Variants in ADCY8 observed in about 807,000 individuals in gnomAD.
ADCY8 encodes adenylate cyclase 8.
In ADCY8, 51 loss-of-function variants were observed where a neutral mutation model predicts 119.7. That is an observed-to-expected ratio of 0.43 (90% CI 0.34 to 0.54). The LOEUF (loss-of-function observed/expected upper bound fraction) is 0.54, where lower values mean the gene tolerates loss of function less well. Ranked by LOEUF, ADCY8 falls within the 20% of genes least tolerant of loss-of-function variation. The pLI, the probability that ADCY8 is intolerant of heterozygous loss-of-function variation, is 0.03. For synonymous variants in ADCY8, 665 were observed against 651.0 expected (o/e 1.02, Z -0.33); for missense variants, 1,383 against 1,598.8 (o/e 0.87, Z 2.30).
At chr8:130,812,233 G>A (rs1345780017) in intron 14 of ADCY8, among the ~76,000 whole-genome samples, 2 of 151,988 alleles carry the variant, frequency 1.3e-5, no homozygotes, top group Non-Finnish European at 2.9e-5. Context: ...ACTTCCAAAG[G>A]CTCCCATTGT....
intron 15 of ADCY8, among the ~76,000 whole-genome samples, chr8:130,799,073 A>T (rs1418176452): frequency 6.6e-6 from 1 of 152,190 alleles, no homozygotes; most frequent in Non-Finnish European, 1.5e-5. Flanking sequence ...TTATACGTGG[A>T]ATCTAAAAAC....
intron 5 of ADCY8, among the ~76,000 whole-genome samples, chr8:130,913,417 T>C (rs982972923): frequency 5.3e-5 from 8 of 152,188 alleles, no homozygotes; most frequent in Non-Finnish European, 2.9e-5. Flanking sequence ...ATTTTTAGAT[T>C]CTGCAAATAA....
intron 1 of ADCY8, among the ~76,000 whole-genome samples, chr8:131,020,193 G>A (rs1823620086): frequency 6.6e-6 from 1 of 152,122 alleles, no homozygotes; most frequent in Admixed American, 6.5e-5. Context: ...TCAATAAGGA[G>A]CTATTGGCAG....
intron 9 of ADCY8, among the ~76,000 whole-genome samples, chr8:130,852,480 C>T (rs750351484): frequency 3.9e-5 from 6 of 152,212 alleles, no homozygotes; most frequent in East Asian, 1.9e-4. Flanking sequence ...AGAATGCAGG[C>T]GGATCGCTTT....
intron 12 of ADCY8, among the ~76,000 whole-genome samples, chr8:130,826,617 C>T (rs1586454414): frequency 6.6e-6 from 1 of 152,136 alleles, no homozygotes; most frequent in African/African-American, 2.4e-5. Flanking sequence ...CCTTCAACAT[C>T]TAACATTATT....
At chr8:130,797,667 CA>C (rs1815627718) in intron 15 of ADCY8, among the ~76,000 whole-genome samples, 1 of 152,166 alleles carries the variant, frequency 6.6e-6, no homozygotes, top group Non-Finnish European at 1.5e-5. Context: ...GCTATTGTCA[CA>C]AAATTGCCTT....
intron 2 of ADCY8, among the ~76,000 whole-genome samples, chr8:130,970,342 C>T (rs1359780691): frequency 6.6e-6 from 1 of 152,130 alleles, no homozygotes; most frequent in Non-Finnish European, 1.5e-5. Context: ...GGAGCGCAAA[C>T]CCTATGGTGA....
intron 2 of ADCY8, among the ~76,000 whole-genome samples, chr8:130,969,191 A>G (rs1821850505): frequency 6.6e-6 from 1 of 152,156 alleles, no homozygotes; most frequent in African/African-American, 2.4e-5. Flanking sequence ...GTCCTTCATA[A>G]TATGGGTGGT....
At chr8:130,885,641 G>A (rs10505567) in intron 7 of ADCY8, among the ~76,000 whole-genome samples, 1,865 of 144,602 alleles carry the variant, frequency 0.013, 39 homozygotes, top group African/African-American at 0.045. Context: ...ACCAATTTAA[G>A]GCAGCTTCTT....
chr8:130,962,706 C>T (rs1261076094), intron 2 of ADCY8, among the ~76,000 whole-genome samples: 1 of 152,230 alleles, frequency 6.6e-6, no homozygotes, highest in East Asian at 1.9e-4. Context: ...GTGAATCAGA[C>T]AGCACTTTTG....
intron 15 of ADCY8, among the ~76,000 whole-genome samples, chr8:130,792,969 G>C (rs1815469439): frequency 1.3e-5 from 2 of 152,100 alleles, no homozygotes; most frequent in Admixed American, 1.3e-4. Flanking sequence ...ACCAGCTCCA[G>C]CCTTCTTCTT....
intron 1 of ADCY8, among the ~76,000 whole-genome samples, chr8:131,008,456 C>T (rs940868418): frequency 3.9e-5 from 6 of 152,154 alleles, no homozygotes; most frequent in African/African-American, 1.4e-4. Context: ...CACTCATTCT[C>T]TCTTCTGCTG....
chr8:130,784,948 G>T (rs1815204638), intron 16 of ADCY8, among the ~76,000 whole-genome samples: 1 of 152,138 alleles, frequency 6.6e-6, no homozygotes. Context: ...ACCCTGGAAG[G>T]TAGACAGTGT....
chr8:130,934,727 T>G (rs1171472119), intron 5 of ADCY8, among the ~76,000 whole-genome samples: 1 of 152,200 alleles, frequency 6.6e-6, no homozygotes, highest in Non-Finnish European at 1.5e-5. Flanking sequence ...AACCCATAGA[T>G]TCCTCTCTCC....
intron 2 of ADCY8, among the ~76,000 whole-genome samples, chr8:130,961,042 T>C (rs1262538955): frequency 6.6e-6 from 1 of 152,198 alleles, no homozygotes; most frequent in Non-Finnish European, 1.5e-5. Context: ...ACTCTTTCCC[T>C]TCCCTCTCAT....
Position 130,887,592 on chromosome 8 carries a change from C to A in ADCY8, c.1912-2831G>T, listed in dbSNP as rs529871712. 5.9e-5 allele frequency among the ~76,000 whole-genome samples: 9 copies of A among 152,266 alleles called. No individual in the cohort carries two copies. In the South Asian group the frequency reaches 1.9e-3, roughly 32 times the overall value. ...AAATGCTGTTTGGCCAGCAACCTCT[C>A]TAGCACCTACCTTACTCCTTAGGAG... On this transcript the variant is annotated intron_variant, in intron 7 of 17. Coordinates refer to ENST00000286355, the MANE Select transcript of ADCY8 (RefSeq NM_001115.3).
intron 17 of ADCY8, 49 bp from the exon 18 acceptor site, chr8:130,780,926 A>C: frequency 6.3e-7 from 1 of 1,593,970 alleles, no homozygotes; most frequent in Non-Finnish European, 8.6e-7. Context: ...AAGGGGGACA[A>C]TGGGGTGTTT....
At chr8:130,785,278 C>T (rs1350117811) in intron 16 of ADCY8, 105 bp downstream of exon 16, 4 of 715,658 alleles carry the variant, frequency 5.6e-6, no homozygotes, top group Non-Finnish European at 8.9e-6. Context: ...ATTTTCTCCC[C>T]ATCTTTCCCC....
intron 2 of ADCY8, among the ~76,000 whole-genome samples, chr8:130,959,350 T>C (rs1586607327): frequency 6.6e-6 from 1 of 152,192 alleles, no homozygotes; most frequent in Non-Finnish European, 1.5e-5. Flanking sequence ...TGAGTATAGA[T>C]ACCCAATTTA....
Sources: gnomAD v4.1 joint callset for allele counts (sites outside exome capture counted in the v4.1 genomes callset) on GRCh38, gnomAD v4.1.1 for gene constraint, MANE v1.5 for transcripts, NCBI Gene and HGNC (gene_info 2026-07-23, HGNC 2026-07-21) for gene names.